The following EAF2 variants were observed in gnomAD, a reference collection of about 807,000 sequenced individuals.
The protein encoded by EAF2 is ELL associated factor 2.
A neutral mutation model predicts 29.4 loss-of-function variants in EAF2; 29 were observed. The observed-to-expected ratio is 0.99, with a 90% CI of 0.73 to 1.35. EAF2 has a LOEUF of 1.35. Ranked by LOEUF, EAF2 falls within the 40% of genes most tolerant of loss-of-function variation. The probability of loss-of-function intolerance (pLI) is 0.00; values close to 1 mark genes in which losing one functional copy is unlikely to be tolerated. For synonymous variants in EAF2, 103 were observed against 102.5 expected (o/e 1.00, Z -0.03); for missense variants, 292 against 312.0 (o/e 0.94, Z 0.48).
intron 1 of EAF2, among the ~76,000 whole-genome samples, chr3:121,837,113 A>G (rs1428229352): frequency 6.6e-6 from 1 of 152,252 alleles, no homozygotes; most frequent in African/African-American, 2.4e-5. Context: ...ATGTTTGAAT[A>G]CACACTTAGT....
At chr3:121,838,387 G>A (rs1470494473) in intron 1 of EAF2, among the ~76,000 whole-genome samples, 1 of 152,080 alleles carries the variant, frequency 6.6e-6, no homozygotes, top group African/African-American at 2.4e-5. Flanking sequence ...CATACAGAAA[G>A]TATGAATATG....
At chr3:121,849,902 C>T (rs1708595514) in intron 2 of EAF2, among the ~76,000 whole-genome samples, 1 of 141,554 alleles carries the variant, frequency 7.1e-6, no homozygotes, top group Admixed American at 7.0e-5. Context: ...TGTTTTTAAG[C>T]TTAAGTGCCT....
rs757295936 is a variant in EAF2 at position 121,844,642 on chromosome 3, TTAAAG to T, written c.201+99_201+103del. 331 of 802,780 alleles carry T rather than the reference TTAAAG, an allele frequency of 4.1e-4. 1 individual carries two copies. Among genetic ancestry groups the T allele is most frequent in the Middle Eastern group, 1.2e-3 (5 of 4,104 alleles). The allele number at this position is 802,780 out of a possible 1,614,324, so 49.7% of individuals were successfully genotyped here. A position where few individuals can be genotyped will look rare whatever the true frequency, so the allele number is the denominator to read the frequency against. On this transcript the variant is annotated intron_variant, in intron 2 of 5. Coordinates refer to ENST00000273668, the MANE Select transcript of EAF2 (RefSeq NM_018456.6). Reference sequence around the variant, plus strand: ...GCACAATTTGTGTAGTGATAATTGGTTAAAGTAATTAGTAAGCACAGATAAGCAAA... The same window carrying T: ...GCACAATTTGTGTAGTGATAATTGGTTAATTAGTAAGCACAGATAAGCAAA...
intron 1 of EAF2, among the ~76,000 whole-genome samples, chr3:121,839,516 A>G (rs996748383): frequency 3.3e-5 from 5 of 152,230 alleles, no homozygotes; most frequent in Non-Finnish European, 7.3e-5. Context: ...CTAAGGTTTT[A>G]AATATTTATC....
intron 5 of EAF2, chr3:121,873,039 C>A: frequency 1.4e-6 from 1 of 722,196 alleles, no homozygotes. Context: ...TCTGCTCAGT[C>A]ATTAAAGTTG....
At chr3:121,866,592 G>A (rs1463297699) in intron 4 of EAF2, among the ~76,000 whole-genome samples, 4 of 152,034 alleles carry the variant, frequency 2.6e-5, no homozygotes, top group African/African-American at 9.7e-5. Flanking sequence ...GGGTGTGGTG[G>A]CACGCACCTA....
chr3:121,872,762 A>T lies in EAF2; in HGVS notation c.710A>T (p.Asn237Ile), dbSNP rs775442349. Residue 237 changes from asparagine (N) to isoleucine (I), a missense_variant, in exon 5 of 6, where the codon AAC (asparagine) becomes ATC (isoleucine). Asn to Ile is a moderately radical substitution (Grantham distance 149, BLOSUM62 -3). Coordinates refer to ENST00000273668, the MANE Select transcript of EAF2 (RefSeq NM_018456.6). ...GCCAGTCATAATAGATTTCGAGACA[A>T]CAGTGGCCTTCTGATGAATACTTTA... Reference protein sequence around the residue: ...IDASHNRFRDNSGLLMNTLRN... With the variant: ...IDASHNRFRDISGLLMNTLRN... 6.2e-7 allele frequency: 1 copy of T among 1,612,116 alleles called. No homozygotes were observed. The highest frequency in any genetic ancestry group is 1.1e-5 in the South Asian group (1 of 90,896).
At chr3:121,880,455 GGTGTGTGTGTGTGT>G (rs58834177) in intron 5 of EAF2, among the ~76,000 whole-genome samples, 26 of 142,962 alleles carry the variant, frequency 1.8e-4, no homozygotes, top group Non-Finnish European at 3.7e-4. Context: ...AGTGTTTTGG[GGTGTGTGTGTGTGT>G]GTGTGTGTGT....
In EAF2 at chr3:121,858,555, GATTCTGGAT is replaced by G. The variant is rs1708766277; in HGVS notation, c.484+1403_484+1411del. Among the ~76,000 whole-genome samples the G allele has an allele frequency of 3.4e-5, 5 of 147,254 alleles. No homozygotes were observed. The South Asian group carries it at 1.2e-3, about 34-fold the overall frequency. Reference sequence around the variant, plus strand: ...TGTAAATTTGTGTAAGTTCTTCATAGATTCTGGATATTAGCCCTTTGTAAAATGGGTAAA... The same window carrying G: ...TGTAAATTTGTGTAAGTTCTTCATAGATTAGCCCTTTGTAAAATGGGTAAA... On this transcript the variant is annotated intron_variant, in intron 4 of 5. Transcript: ENST00000273668.
At chr3:121,847,112 T>C (rs1208504299) in intron 2 of EAF2, among the ~76,000 whole-genome samples, 1 of 152,234 alleles carries the variant, frequency 6.6e-6, no homozygotes, top group Non-Finnish European at 1.5e-5. Flanking sequence ...TTCTGTGTGA[T>C]AAGTCCTATT....
At chr3:121,852,742 T>A (rs775865328) in intron 2 of EAF2, among the ~76,000 whole-genome samples, 14 of 152,206 alleles carry the variant, frequency 9.2e-5, no homozygotes, top group Non-Finnish European at 1.9e-4. Flanking sequence ...AGGTCATCCT[T>A]TTCTAACCTG....
Position 121,853,206 on chromosome 3 carries a change from T to C in EAF2, c.202-1481T>C, listed in dbSNP as rs557629768. Among the ~76,000 whole-genome samples, 6 of 152,350 alleles carry C rather than the reference T, an allele frequency of 3.9e-5. No homozygotes were observed. The East Asian group carries it at 1.2e-3, about 29-fold the overall frequency. On this transcript the variant is annotated intron_variant, in intron 2 of 5. Transcript: ENST00000273668. The stretch of plus-strand genomic sequence containing the variant: ...TCTAACTGATAAGGACATTTCTATC[T>C]AAGCACCATGCTATTATCACAAATA...
intron 1 of EAF2, among the ~76,000 whole-genome samples, chr3:121,835,888 C>CTG (rs1708265894): frequency 6.6e-6 from 1 of 152,128 alleles, no homozygotes; most frequent in Non-Finnish European, 1.5e-5. Flanking sequence ...TCCCAATGAT[C>CTG]TGTATATCTC....
intron 5 of EAF2, among the ~76,000 whole-genome samples, chr3:121,875,477 A>T (rs567188756): frequency 6.6e-6 from 1 of 152,008 alleles, no homozygotes; most frequent in Non-Finnish European, 1.5e-5. Flanking sequence ...GGAACGAACT[A>T]CAAAACCCTG....
At chr3:121,863,803 C>T (rs1374768557) in intron 4 of EAF2, among the ~76,000 whole-genome samples, 1 of 152,068 alleles carries the variant, frequency 6.6e-6, no homozygotes, top group Non-Finnish European at 1.5e-5. Context: ...TAGACTGGAG[C>T]TGTTCCTATT....
chr3:121,880,736 C>T (rs1041533098), intron 5 of EAF2, among the ~76,000 whole-genome samples: 3 of 152,134 alleles, frequency 2.0e-5, no homozygotes, highest in South Asian at 2.1e-4. Flanking sequence ...TGTTTCTTTG[C>T]TCTGGCTAGG....
rs1455018798 is a variant in EAF2 at position 121,872,687 on chromosome 3, G to A, written c.635G>A (p.Cys212Tyr). 1 of 1,612,882 alleles carries A rather than the reference G, an allele frequency of 6.2e-7. No individual in the cohort carries two copies. The highest frequency in any genetic ancestry group is 1.7e-5 in the Admixed American group (1 of 59,956). ...CKSSTSDTGNCVSGHPTMTQY... is the reference protein window; with the variant it reads ...CKSSTSDTGNYVSGHPTMTQY... ...TCCTCTACTTCTGATACAGGGAATT[G>A]TGTCTCAGGACATCCTACCATGACA... Residue 212 changes from cysteine to tyrosine, a missense_variant, in exon 5 of 6, where the codon TGT becomes TAT. Transcript: ENST00000273668.
intron 4 of EAF2, among the ~76,000 whole-genome samples, chr3:121,866,970 A>G (rs1451058747): frequency 6.6e-6 from 1 of 152,190 alleles, no homozygotes; most frequent in Non-Finnish European, 1.5e-5. Flanking sequence ...AAGAAATAGA[A>G]GTTTTAAGTA....
At chr3:121,854,622 CA>C in intron 2 of EAF2, 64 bp from the exon 3 acceptor site, 1 of 1,337,456 alleles carries the variant, frequency 7.5e-7, no homozygotes, top group South Asian at 1.8e-5. Context: ...ATCAAGATTT[CA>C]AAGGCCTTCC....
Sources: gnomAD v4.1 joint callset for allele counts (sites outside exome capture counted in the v4.1 genomes callset) on GRCh38, gnomAD v4.1.1 for gene constraint, MANE v1.5 for transcripts, NCBI Gene and HGNC (gene_info 2026-07-23, HGNC 2026-07-21) for gene names.